The following ALPK3 variants were observed in gnomAD, a reference collection of about 807,000 sequenced individuals.
ALPK3 encodes the protein alpha kinase 3.
Under a neutral mutation model 140.0 loss-of-function variants are expected in ALPK3, and 102 were observed. The ratio of observed to expected loss-of-function variants is 0.73; its 90% CI spans 0.62 to 0.86. The LOEUF (loss-of-function observed/expected upper bound fraction) is 0.86. Ranked by LOEUF, ALPK3 falls within the 40% of genes least tolerant of loss-of-function variation. ALPK3 has a pLI of 0.00. For missense variants in ALPK3, 2,254 were observed against 2,208.2 expected, an observed-to-expected ratio of 1.02 and a Z score of -0.42; for synonymous variants, 938 against 898.5, an observed-to-expected ratio of 1.04 and a Z score of -0.79.
chr15:84,845,877 A>T (rs1291607887), intron 5 of ALPK3, among the ~76,000 whole-genome samples: 1 of 152,150 alleles, frequency 6.6e-6, no homozygotes, highest in Non-Finnish European at 1.5e-5. Context: ...TGGCCAAAAT[A>T]GTGAAACACT....
intron 9 of ALPK3, 30 bp downstream of exon 9, chr15:84,860,102 G>A (rs1046756161): frequency 6.2e-7 from 1 of 1,613,330 alleles, no homozygotes; most frequent in Middle Eastern, 1.7e-4. Context: ...AAGGCGGGGT[G>A]GTCCTACCCC....
intron 3 of ALPK3, among the ~76,000 whole-genome samples, chr15:84,827,986 T>A (rs1041033511): frequency 6.6e-6 from 1 of 152,166 alleles, no homozygotes; most frequent in African/African-American, 2.4e-5. Context: ...GTTGGGAGTC[T>A]CAAGCCTGAG....
At chr15:84,830,906 A>C (rs1963539647) in intron 3 of ALPK3, among the ~76,000 whole-genome samples, 1 of 152,034 alleles carries the variant, frequency 6.6e-6, no homozygotes. Context: ...ATAGAGACTA[A>C]GTCCTACTAT....
intron 9 of ALPK3, among the ~76,000 whole-genome samples, 194 bp downstream of exon 9, chr15:84,860,266 G>T (rs879777721): frequency 1.3e-5 from 2 of 152,136 alleles, no homozygotes; most frequent in African/African-American, 4.8e-5. Context: ...TGACCAAGGG[G>T]GCCACTGCAC....
rs1220364092 is a variant in ALPK3, at chr15:84,859,686, A to T, written c.3966-90A>T. 1.2e-5 allele frequency: 18 copies of T among 1,470,384 alleles called. No individual in the cohort carries two copies. The South Asian group carries it at 1.4e-4, about 11-fold the overall frequency. 91.1% of individuals were successfully genotyped at this position (1,470,384 alleles called of 1,614,324 possible). On this transcript the variant is annotated intron_variant, in intron 7 of 13. Transcript: ENST00000258888. ...CAAAGCTCTCAGAGCTGGGGTTCACAGCAGCCTCTGAGAGTGGGGTCCAAG... is the reference window on the plus strand; with the variant it reads ...CAAAGCTCTCAGAGCTGGGGTTCACTGCAGCCTCTGAGAGTGGGGTCCAAG...
At chr15:84,863,695 T>C (rs2141573473) in intron 11 of ALPK3, 55 bp downstream of exon 11, 1 of 1,538,086 alleles carries the variant, frequency 6.5e-7, no homozygotes, top group Non-Finnish European at 8.8e-7. Context: ...CTTGGGCTTC[T>C]GCAAAGACAG....
rs1009515579 is a variant in ALPK3, at chr15:84,839,828, C to T, written c.549C>T (p.Ala183=). 6.8e-6 allele frequency: 11 copies of T among 1,613,990 alleles called. No individual in the cohort carries two copies. The Admixed American group carries it at 1.2e-4, about 17-fold the overall frequency. The part of the protein sequence containing the change: ...TEYKIHQRWF[A]KLKRKAAAKL... ...ACAAGATCCACCAGCGCTGGTTCGC[C>T]AAGTTGAAGCGCAAGGCTGCGGCAA... The change falls in exon 5 of 14, where the codon GCC becomes GCT. Residue 183 remains alanine, a synonymous_variant. Transcript: ENST00000258888.
At chr15:84,867,215 A>G in intron 12 of ALPK3, 102 bp from the exon 13 acceptor site, 1 of 1,193,276 alleles carries the variant, frequency 8.4e-7, no homozygotes, top group Non-Finnish European at 1.2e-6. Context: ...TCCAGCAGGA[A>G]GAGACATGGT....
At chr15:84,826,567 G>A (rs1963491555) in intron 2 of ALPK3, among the ~76,000 whole-genome samples, 1 of 152,160 alleles carries the variant, frequency 6.6e-6, no homozygotes, top group African/African-American at 2.4e-5. Flanking sequence ...AAAGGGTTTG[G>A]CATGGTAGTT....
chr15:84,857,556 C>G lies in ALPK3; in HGVS notation c.2818C>G (p.Pro940Ala). 6.3e-7 allele frequency: 1 copy of G among 1,582,466 alleles called. No homozygotes were observed. The highest frequency in any genetic ancestry group is 8.6e-7 in the Non-Finnish European group (1 of 1,163,620). Reference sequence around the variant, plus strand: ...CAGTGAGGGGGCCTGCGCCCAGGTACCAGATGTGGAGGGGCGGACCCCAGG... The same window carrying G: ...CAGTGAGGGGGCCTGCGCCCAGGTAGCAGATGTGGAGGGGCGGACCCCAGG... ...TSSEGACAQV[P>A]DVEGRTPGPR... The change falls in exon 6 of 14, where the codon CCA (proline) becomes GCA (alanine). Residue 940 changes from proline (P) to alanine (A), a missense_variant. Physicochemically the swap from Pro to Ala is conservative, Grantham distance 27 (BLOSUM62 -1). Transcript: ENST00000258888.
intron 5 of ALPK3, among the ~76,000 whole-genome samples, chr15:84,841,991 C>A (rs1408951964): frequency 1.3e-5 from 2 of 152,106 alleles, no homozygotes; most frequent in Non-Finnish European, 2.9e-5. Context: ...TATTTGAAGT[C>A]CCAATTTAAC....
chr15:84,840,359 C>G lies in ALPK3; in HGVS notation c.1080C>G (p.Pro360=). The G allele has an allele frequency of 6.2e-7, 1 of 1,613,488 alleles. No individual in the cohort carries two copies. The highest frequency in any genetic ancestry group is 2.2e-5 in the East Asian group (1 of 44,866). The change falls in exon 5 of 14, where the codon CCC becomes CCG. Residue 360 remains proline (P), a synonymous_variant. Coordinates refer to ENST00000258888, the MANE Select transcript of ALPK3 (RefSeq NM_020778.5). ...CTGACTCCTGTGGGACTCAGGGGCC[C>G]GTGGGCGTGGAGCAGGTTCAGACCC... is the stretch of plus-strand genomic sequence containing the variant. ...DEPDSCGTQG[P]VGVEQVQTQP... is the part of the protein sequence containing the mutation.
intron 3 of ALPK3, among the ~76,000 whole-genome samples, chr15:84,835,205 G>A (rs995867425): frequency 6.6e-6 from 1 of 152,350 alleles, no homozygotes; most frequent in East Asian, 1.9e-4. Context: ...TCACAGGATG[G>A]TGAGGACACC....
intron 5 of ALPK3, among the ~76,000 whole-genome samples, chr15:84,846,234 T>G (rs555123770): frequency 6.6e-6 from 1 of 152,330 alleles, no homozygotes; most frequent in South Asian, 2.1e-4. Flanking sequence ...CTCCATAAGA[T>G]TTAAACAAGA....
chr15:84,835,479 C>T (rs1217787060), intron 3 of ALPK3, among the ~76,000 whole-genome samples: 2 of 152,202 alleles, frequency 1.3e-5, no homozygotes, highest in Non-Finnish European at 2.9e-5. Context: ...TACTCATTTA[C>T]TTATCGTCCC....
Position 84,840,322 on chromosome 15 carries a change from G to C in ALPK3, c.1043G>C (p.Ser348Thr). ...SRRSSENCIP[S>T]SDEPDSCGTQ... Reference sequence around the variant, plus strand: ...CGTTCTTCAGAAAACTGCATCCCCAGCTCAGACGAGCCTGACTCCTGTGGG... The same window carrying C: ...CGTTCTTCAGAAAACTGCATCCCCACCTCAGACGAGCCTGACTCCTGTGGG... Residue 348 changes from serine (S) to threonine (T), a missense_variant, in exon 5 of 14, where the codon AGC (serine) becomes ACC (threonine). By Grantham distance (58) the Ser-to-Thr change is moderately conservative. Transcript: ENST00000258888. 6.2e-7 allele frequency: 1 copy of C among 1,614,040 alleles called. No individual in the cohort carries two copies. Among genetic ancestry groups the C allele is most frequent in the African/African-American group, 1.3e-5 (1 of 75,050 alleles).
Position 84,864,682 on chromosome 15 carries a change from G to T in ALPK3, c.4723+17G>T, listed in dbSNP as rs769845608. 2 of 1,611,214 alleles carry T rather than the reference G, an allele frequency of 1.2e-6. No individual in the cohort carries two copies. Among genetic ancestry groups the T allele is most frequent in the Admixed American group, 3.3e-5 (2 of 59,956 alleles). ...ACTTGGCAGGTACGAGGGTGTGAGG[G>T]TGCACGGGTACGCATGTGCATGGAT... On this transcript the variant is annotated intron_variant, in intron 12 of 13. Coordinates refer to ENST00000258888, the MANE Select transcript of ALPK3 (RefSeq NM_020778.5).
chr15:84,837,898 A>C (rs1963613423), intron 3 of ALPK3, among the ~76,000 whole-genome samples: 1 of 152,232 alleles, frequency 6.6e-6, no homozygotes, highest in Non-Finnish European at 1.5e-5. Flanking sequence ...TTTCAGATAC[A>C]ATGGTAGACT....
At chr15:84,852,001 T>C (rs1237200696) in intron 5 of ALPK3, among the ~76,000 whole-genome samples, 1 of 152,180 alleles carries the variant, frequency 6.6e-6, no homozygotes, top group African/African-American at 2.4e-5. Context: ...GTCCCCCTTA[T>C]CCACAGAAGA....
Sources: allele counts gnomAD v4.1 joint callset (sites outside exome capture counted in the v4.1 genomes callset), GRCh38; gene constraint gnomAD v4.1.1; transcripts MANE v1.5; gene names NCBI Gene and HGNC (gene_info 2026-07-23, HGNC 2026-07-21).